The following MSRB2 variants were observed in gnomAD, a reference collection of about 807,000 sequenced individuals.
The protein encoded by MSRB2 is methionine sulfoxide reductase B2, also known as methionine-R-sulfoxide reductase B2, mitochondrial.
In MSRB2, 17 loss-of-function variants were observed where a neutral mutation model predicts 19.0. That is an observed-to-expected ratio of 0.89 (90% CI 0.61 to 1.34). The LOEUF (loss-of-function observed/expected upper bound fraction) is 1.34, where lower values mean the gene tolerates loss of function less well. MSRB2 is among the 40% of genes most tolerant of loss of function. The pLI is 0.00. For missense variants in MSRB2, 208 were observed against 237.6 expected, an observed-to-expected ratio of 0.88 and a Z score of 0.82; for synonymous variants, 107 against 99.7, an observed-to-expected ratio of 1.07 and a Z score of -0.44.
At position 23,119,298 on chromosome 10, in the gene MSRB2, C is replaced by T; in HGVS notation, c.297-6C>T. On this transcript the variant is annotated splice_region_variant and splice_polypyrimidine_tract_variant and intron_variant, in intron 3 of 4. Coordinates refer to ENST00000376510, the MANE Select transcript of MSRB2 (RefSeq NM_012228.4). ...GCAGCTGTAGTATCGTTTATGTCTT[C>T]CACAGTTCTGAGAAAAAGTACTGCT... 1 of 1,613,748 alleles carries T rather than the reference C, an allele frequency of 6.2e-7. No homozygotes were observed. Among genetic ancestry groups the T allele is most frequent in the Non-Finnish European group, 8.5e-7 (1 of 1,179,786 alleles).
chr10:23,120,382 A>G (rs566600550), intron 4 of MSRB2, among the ~76,000 whole-genome samples: 10 of 152,354 alleles, frequency 6.6e-5, no homozygotes, highest in African/African-American at 2.4e-4. Flanking sequence ...AATAAATAAT[A>G]ATAATACACT....
Position 23,121,201 on chromosome 10 carries a change from G to C in MSRB2, c.*339G>C, listed in dbSNP as rs908631767. The C allele has an allele frequency of 4.7e-6, 1 of 213,468 alleles. No homozygotes were observed. 13.2% of individuals were successfully genotyped at this position (213,468 alleles called of 1,614,324 possible). Reference sequence around the variant, plus strand: ...GTTTAATTGACTCACAGTTCTGCAGGGTGTACAGAAAGCATGGTGCCAGCA... The same window carrying C: ...GTTTAATTGACTCACAGTTCTGCAGCGTGTACAGAAAGCATGGTGCCAGCA... On this transcript the variant is annotated 3_prime_UTR_variant, in exon 5 of 5. Transcript: ENST00000376510.
At chr10:23,120,687 T>C (rs981677634) in intron 4 of MSRB2, 71 bp from the exon 5 acceptor site, 1 of 1,211,996 alleles carries the variant, frequency 8.3e-7, no homozygotes. Context: ...TTTGGGGGGG[T>C]TCGTCTGTCT....
intron 1 of MSRB2, among the ~76,000 whole-genome samples, chr10:23,101,689 T>G (rs1159786057): frequency 6.6e-6 from 1 of 152,182 alleles, no homozygotes; most frequent in Admixed American, 6.5e-5. Flanking sequence ...GAAAGATGGT[T>G]CCATGGTTCA....
intron 3 of MSRB2, among the ~76,000 whole-genome samples, chr10:23,112,248 G>A (rs1475211669): frequency 6.6e-6 from 1 of 152,166 alleles, no homozygotes; most frequent in African/African-American, 2.4e-5. Flanking sequence ...CTTTCCTGTT[G>A]CTGCTACTGC....
rs146526205 is a variant in MSRB2, at chr10:23,121,092, G to GA, written c.*239dup. 7.9e-3 allele frequency: 2,921 copies of GA among 369,068 alleles called. 61 individuals are homozygous for GA. The highest frequency in any genetic ancestry group is 0.065 in the East Asian group (1,639 of 25,258). The allele number at this position is 369,068 out of a possible 1,614,324, so 22.9% of individuals were successfully genotyped here. A position where few individuals can be genotyped will look rare whatever the true frequency, so the allele number is the denominator to read the frequency against. On this transcript the variant is annotated 3_prime_UTR_variant, in exon 5 of 5. Coordinates refer to ENST00000376510, the MANE Select transcript of MSRB2 (RefSeq NM_012228.4). ...ACCTGATCAGGATCTGGGAGAATTT[G>GA]AAAAAAAAAGAAAAACTAGAAAAAT... is the stretch of plus-strand genomic sequence containing the variant.
intron 1 of MSRB2, among the ~76,000 whole-genome samples, chr10:23,103,310 T>C (rs562624728): frequency 1.2e-3 from 179 of 152,346 alleles, no homozygotes; most frequent in African/African-American, 4.2e-3. Context: ...TTCAGTGCCA[T>C]AGTCAGATTA....
intron 3 of MSRB2, among the ~76,000 whole-genome samples, chr10:23,112,473 A>G (rs1238834963): frequency 1.3e-5 from 2 of 152,160 alleles, no homozygotes; most frequent in East Asian, 3.9e-4. Flanking sequence ...CTAATTCATA[A>G]GGTTGTTGGG....
rs190040302 is a variant in MSRB2, at chr10:23,118,008, G to A, written c.297-1296G>A. On this transcript the variant is annotated intron_variant, in intron 3 of 4. Transcript: ENST00000376510. ...CAAAATTCAAAAAGATCTGAAATCC[G>A]AAACACTTCTGGTCCTAAGCATTTC... Among the ~76,000 whole-genome samples the A allele has an allele frequency of 1.5e-3, 235 of 152,194 alleles. 2 individuals are homozygous for A. Among genetic ancestry groups the A allele is most frequent in the African/African-American group, 5.4e-3 (223 of 41,502 alleles).
chr10:23,115,492 A>G (rs1240178483), intron 3 of MSRB2, among the ~76,000 whole-genome samples: 2 of 152,212 alleles, frequency 1.3e-5, no homozygotes, highest in Non-Finnish European at 2.9e-5. Context: ...AAATTCTTCT[A>G]AGAGGTTAGG....
intron 1 of MSRB2, among the ~76,000 whole-genome samples, chr10:23,102,975 C>T (rs1839941580): frequency 6.6e-6 from 1 of 152,002 alleles, no homozygotes; most frequent in Non-Finnish European, 1.5e-5. Flanking sequence ...AAAAAGAAAC[C>T]CCTGTAGTCT....
In MSRB2 at chr10:23,120,788, G is replaced by A. The variant is rs777965156; in HGVS notation, c.475G>A (p.Asp159Asn). ...AGCTCATCTAGGTCACGTGTTTCCT[G>A]ATGGACCTGGGCCCAATGGTCAGAG... The part of the protein sequence containing the change: ...CEAHLGHVFP[D>N]GPGPNGQRFC... The change falls in exon 5 of 5, where the codon GAT becomes AAT. Residue 159 changes from aspartate (D) to asparagine (N), a missense_variant. Transcript: ENST00000376510. 3.1e-6 allele frequency: 5 copies of A among 1,614,120 alleles called. No individual in the cohort carries two copies. The highest frequency in any genetic ancestry group is 1.1e-5 in the South Asian group (1 of 91,050).
At chr10:23,095,858 T>G in intron 1 of MSRB2, 132 bp downstream of exon 1, 3 of 393,702 alleles carry the variant, frequency 7.6e-6, no homozygotes, top group Non-Finnish European at 8.2e-6. Context: ...GGCGCGCCCC[T>G]CCCCCCCCCC....
At chr10:23,105,488 G>A (rs977359068) in intron 2 of MSRB2, among the ~76,000 whole-genome samples, 2 of 151,814 alleles carry the variant, frequency 1.3e-5, no homozygotes, top group African/African-American at 2.4e-5. Context: ...CCCTTTCCAG[G>A]CTCTGTTATC....
Position 23,098,891 on chromosome 10 carries a change from C to T in MSRB2, c.118+3165C>T, listed in dbSNP as rs140435064. 4.1e-3 allele frequency among the ~76,000 whole-genome samples: 631 copies of T among 152,228 alleles called. 5 individuals carry two copies. Among genetic ancestry groups the T allele is most frequent in the African/African-American group, 0.014 (589 of 41,512 alleles). ...TTAAACGATGGAATTCATTTTCATA[C>T]GGTTCTGGAGGCTGGAAGTCCAAGG... On this transcript the variant is annotated intron_variant, in intron 1 of 4. Coordinates refer to ENST00000376510, the MANE Select transcript of MSRB2 (RefSeq NM_012228.4).
At position 23,095,715 on chromosome 10, in the gene MSRB2, TG is replaced by T; in HGVS notation, c.112del (p.Glu38ArgfsTer21). On this transcript the variant is annotated frameshift_variant, in exon 1 of 5. Coordinates refer to ENST00000376510, the MANE Select transcript of MSRB2 (RefSeq NM_012228.4). LOFTEE classifies it high-confidence loss of function. ...GGCGGGCCCGGCACCGGGCCGGGAC[TG>T]GGGGAGGCAGGTAGGACGCGGGTCC... The part of the protein sequence containing the change: ...GGGGPGTGPG[L>X]GEAGSLATCE... 1 of 1,266,262 alleles carries T rather than the reference TG, an allele frequency of 7.9e-7. No individual in the cohort carries two copies. Among genetic ancestry groups the T allele is most frequent in the Non-Finnish European group, 9.9e-7 (1 of 1,010,066 alleles). The allele number at this position is 1,266,262 out of a possible 1,614,324, so 78.4% of individuals were successfully genotyped here.
chr10:23,105,969 A>T (rs888309722), intron 2 of MSRB2, among the ~76,000 whole-genome samples: 10 of 152,148 alleles, frequency 6.6e-5, no homozygotes, highest in Non-Finnish European at 1.0e-4. Context: ...ACCACATGAT[A>T]CTCTGTGAGC....
chr10:23,113,741 C>T (rs1347519331), intron 3 of MSRB2, among the ~76,000 whole-genome samples: 3 of 152,100 alleles, frequency 2.0e-5, no homozygotes, highest in Non-Finnish European at 4.4e-5. Flanking sequence ...AGAAGAGAAG[C>T]CCAGACAGAG....
chr10:23,114,345 A>G (rs751065834), intron 3 of MSRB2, among the ~76,000 whole-genome samples: 33 of 146,336 alleles, frequency 2.3e-4, no homozygotes, highest in Non-Finnish European at 4.5e-4. Context: ...GTGAGACTCC[A>G]TCTCAAAAAA....
Sources: allele counts gnomAD v4.1 joint callset (sites outside exome capture counted in the v4.1 genomes callset), GRCh38; gene constraint gnomAD v4.1.1; transcripts MANE v1.5; gene names NCBI Gene and HGNC (gene_info 2026-07-23, HGNC 2026-07-21).